Variants in TXK observed in about 807,000 individuals in gnomAD.
TXK encodes tyrosine-protein kinase TXK.
A neutral mutation model predicts 81.0 loss-of-function variants in TXK; 60 were observed. That is an observed-to-expected ratio of 0.74 (90% CI 0.60 to 0.92). The LOEUF is 0.92. Ranked by LOEUF, TXK falls within the 40% of genes least tolerant of loss-of-function variation. The pLI, the probability that TXK is intolerant of heterozygous loss-of-function variation, is 0.00. For synonymous variants in TXK, 203 were observed against 210.7 expected (o/e 0.96, Z 0.32); for missense variants, 581 against 638.3 (o/e 0.91, Z 0.97).
chr4:48,088,155 A>G (rs899310079), intron 9 of TXK, among the ~76,000 whole-genome samples: 1 of 152,224 alleles, frequency 6.6e-6, no homozygotes, highest in African/African-American at 2.4e-5. Context: ...AAAAAAACCT[A>G]GAATAAAATA....
intron 1 of TXK, among the ~76,000 whole-genome samples, chr4:48,128,613 T>G (rs779833064): frequency 1.2e-4 from 16 of 135,348 alleles, no homozygotes; most frequent in Non-Finnish European, 2.0e-4. Context: ...TCTCCCAGGC[T>G]GGAGTGTGGT....
chr4:48,080,169 T>C (rs760924057), intron 10 of TXK, 41 bp from the exon 11 acceptor site: 25 of 1,489,244 alleles, frequency 1.7e-5, no homozygotes, highest in Non-Finnish European at 2.2e-5. Context: ...GAATTGTGTT[T>C]GCATTTTTAA....
At chr4:48,130,695 T>G (rs977448078) in intron 1 of TXK, among the ~76,000 whole-genome samples, 1 of 152,208 alleles carries the variant, frequency 6.6e-6, no homozygotes, top group South Asian at 2.1e-4. Context: ...AGAGGCTGCC[T>G]ACCACAGCTA....
intron 8 of TXK, among the ~76,000 whole-genome samples, chr4:48,092,517 A>C (rs17574051): frequency 0.34 from 49,858 of 146,670 alleles, 8,781 homozygotes; most frequent in East Asian, 0.71. Flanking sequence ...ATGTTTAAAA[A>C]GTAAATGGAA....
intron 5 of TXK, among the ~76,000 whole-genome samples, chr4:48,110,119 T>C (rs1451919300): frequency 1.3e-5 from 2 of 152,226 alleles, no homozygotes; most frequent in Non-Finnish European, 2.9e-5. Flanking sequence ...AAACAGTTCT[T>C]CCAAACTACA....
At chr4:48,097,602 T>A (rs991531190) in intron 6 of TXK, among the ~76,000 whole-genome samples, 3 of 151,846 alleles carry the variant, frequency 2.0e-5, no homozygotes, top group African/African-American at 7.3e-5. Flanking sequence ...CATGCCCAGC[T>A]AATTTTTGTA....
chr4:48,117,172 G>C (rs1718835747), intron 1 of TXK, among the ~76,000 whole-genome samples: 1 of 152,122 alleles, frequency 6.6e-6, no homozygotes, highest in Non-Finnish European at 1.5e-5. Flanking sequence ...ACAGTTATGA[G>C]TCACCGCGCT....
rs1717892553 is a variant in TXK at position 48,094,206 on chromosome 4, TACAA to T, written c.582-6_582-3del. On this transcript the variant is annotated splice_region_variant and splice_polypyrimidine_tract_variant and intron_variant, in intron 7 of 14. Coordinates refer to ENST00000264316, the MANE Select transcript of TXK (RefSeq NM_003328.3). The stretch of plus-strand genomic sequence containing the variant: ...TGTTTTATGGCAGCCTCCGTACTTC[TACAA>T]TCAAGAAAATGTGAATTACTAGAAA... 3 of 1,612,970 alleles carry T rather than the reference TACAA, an allele frequency of 1.9e-6. No homozygotes were observed. The highest frequency in any genetic ancestry group is 2.5e-6 in the Non-Finnish European group (3 of 1,179,880).
intron 1 of TXK, 94 bp downstream of exon 1, chr4:48,134,061 T>C (rs1719315341): frequency 7.0e-7 from 1 of 1,422,840 alleles, no homozygotes; most frequent in Admixed American, 1.9e-5. Context: ...CCCCAAGCTC[T>C]ATGCCTTGGA....
At chr4:48,114,318 T>C in intron 2 of TXK, 30 bp downstream of exon 2, 1 of 1,611,620 alleles carries the variant, frequency 6.2e-7, no homozygotes, top group Non-Finnish European at 8.5e-7. Context: ...TAATTAATTT[T>C]CAAGAAATTG....
chr4:48,115,261 T>C (rs1718768141), intron 1 of TXK, among the ~76,000 whole-genome samples: 1 of 152,096 alleles, frequency 6.6e-6, no homozygotes, highest in Non-Finnish European at 1.5e-5. Context: ...CCATATATTC[T>C]CATTGTTCAA....
rs147484549 is a variant in TXK at position 48,073,301 on chromosome 4, G to A, written c.1357+634C>T. On this transcript the variant is annotated intron_variant, in intron 13 of 14. Coordinates refer to ENST00000264316, the MANE Select transcript of TXK (RefSeq NM_003328.3). ...CCCACAAGCCTCCAGGAAGTTTGGG[G>A]TGAAAGAGGATAGATAGATTTTTGC... is the stretch of plus-strand genomic sequence containing the variant. Among the ~76,000 whole-genome samples, 610 of 152,204 alleles carry A rather than the reference G, an allele frequency of 4.0e-3. 7 individuals are homozygous for A. Among genetic ancestry groups the A allele is most frequent in the African/African-American group, 0.014 (569 of 41,514 alleles).
At position 48,104,252 on chromosome 4, in the gene TXK, T is replaced by A. The variant is rs1000054208; in HGVS notation, c.501+649A>T. Among the ~76,000 whole-genome samples, 2 of 26,532 alleles carry A rather than the reference T, an allele frequency of 7.5e-5. 1 individual carries two copies. The highest frequency in any genetic ancestry group is 0.015 in the East Asian group (2 of 134). The allele number at this position is 26,532 out of a possible 152,430, so 17.4% of individuals were successfully genotyped here. On this transcript the variant is annotated intron_variant, in intron 6 of 14. Transcript: ENST00000264316. Reference sequence around the variant, plus strand: ...ATTATATTATATATAATATATATTTTATATATATAATATATAATATAATAT... The same window carrying A: ...ATTATATTATATATAATATATATTTAATATATATAATATATAATATAATAT...
chr4:48,110,486 A>G, intron 5 of TXK, 52 bp downstream of exon 5: 5 of 1,381,188 alleles, frequency 3.6e-6, no homozygotes, highest in Non-Finnish European at 5.1e-6. Flanking sequence ...TATACTTACA[A>G]GCTGCCAAAA....
intron 1 of TXK, among the ~76,000 whole-genome samples, chr4:48,128,393 G>GT (rs1267305726): frequency 1.3e-5 from 2 of 152,104 alleles, no homozygotes; most frequent in Non-Finnish European, 2.9e-5. Flanking sequence ...ATGGGCTGTG[G>GT]TGAGTGGGGA....
chr4:48,123,545 C>T (rs115230431), intron 1 of TXK, among the ~76,000 whole-genome samples: 29 of 152,268 alleles, frequency 1.9e-4, no homozygotes, highest in Middle Eastern at 3.4e-3. Context: ...CTACACCCTC[C>T]CAATAAGCAA....
At chr4:48,120,726 A>G (rs1173272650) in intron 1 of TXK, among the ~76,000 whole-genome samples, 1 of 152,110 alleles carries the variant, frequency 6.6e-6, no homozygotes, top group African/African-American at 2.4e-5. Flanking sequence ...CCTGATCTCA[A>G]GTGATCTGCC....
chr4:48,130,550 GT>G (rs964662521), intron 1 of TXK, among the ~76,000 whole-genome samples: 14 of 152,114 alleles, frequency 9.2e-5, no homozygotes, highest in African/African-American at 3.4e-4. Context: ...CTGTAACCTG[GT>G]CTCAGAGGTG....
chr4:48,093,581 G>A (rs1717862003), intron 8 of TXK, among the ~76,000 whole-genome samples: 1 of 152,154 alleles, frequency 6.6e-6, no homozygotes, highest in Non-Finnish European at 1.5e-5. Flanking sequence ...TATGCCTCTG[G>A]TATAGTTAGG....
Sources: allele counts gnomAD v4.1 joint callset (sites outside exome capture counted in the v4.1 genomes callset), GRCh38; gene constraint gnomAD v4.1.1; transcripts MANE v1.5; gene names NCBI Gene and HGNC (gene_info 2026-07-23, HGNC 2026-07-21).